The following XKR6 variants were observed in gnomAD, a reference collection of about 807,000 sequenced individuals.
XKR6 encodes XK related 6.
In XKR6, 22 loss-of-function variants were observed where a neutral mutation model predicts 56.7. The observed-to-expected ratio is 0.39, with a 90% CI of 0.28 to 0.55. The LOEUF (loss-of-function observed/expected upper bound fraction) is 0.55, where lower values mean the gene tolerates loss of function less well. XKR6 is among the 20% of genes least tolerant of loss of function. XKR6 has a pLI of 0.66. For missense variants in XKR6, 852 were observed against 889.0 expected (o/e 0.96, Z 0.53); for synonymous variants, 524 against 387.8 (o/e 1.35, Z -4.13).
In XKR6 at chr8:10,941,410, G is replaced by C. The variant is rs537551528; in HGVS notation, c.765-16580C>G. ...GGGCACCATGGGCCCTGTGGAGATG[G>C]AGAAACTGAGGCAAAGGAACTGGCT... On this transcript the variant is annotated intron_variant, in intron 1 of 2. Transcript: ENST00000416569. 1.5e-3 allele frequency among the ~76,000 whole-genome samples: 222 copies of C among 152,330 alleles called. 2 individuals carry two copies. Among genetic ancestry groups the C allele is most frequent in the Admixed American group, 2.7e-3 (41 of 15,308 alleles).
chr8:10,946,251 C>T (rs886184420), intron 1 of XKR6, among the ~76,000 whole-genome samples: 1 of 152,042 alleles, frequency 6.6e-6, no homozygotes, highest in Admixed American at 6.5e-5. Context: ...GAGGGAAACA[C>T]GAATAGCCGA....
chr8:10,905,617 G>A (rs1014569755), intron 2 of XKR6, among the ~76,000 whole-genome samples: 2 of 152,162 alleles, frequency 1.3e-5, no homozygotes, highest in African/African-American at 4.8e-5. Context: ...TTATCTGTCA[G>A]TCTGCATATC....
chr8:11,197,327 T>C (rs1437689214), intron 1 of XKR6, among the ~76,000 whole-genome samples: 1 of 152,290 alleles, frequency 6.6e-6, no homozygotes, highest in Non-Finnish European at 1.5e-5. Context: ...GAACTGACAA[T>C]GCACTAAGCA....
chr8:11,112,911 G>A (rs565021457), intron 1 of XKR6, among the ~76,000 whole-genome samples: 1 of 152,310 alleles, frequency 6.6e-6, no homozygotes, highest in Admixed American at 6.5e-5. Flanking sequence ...CAACATCTGA[G>A]ATTAAGCAGT....
chr8:10,987,101 G>A (rs1380768215), intron 1 of XKR6, among the ~76,000 whole-genome samples: 1 of 152,182 alleles, frequency 6.6e-6, no homozygotes. Flanking sequence ...TTAGCCAAGT[G>A]CATGATATGT....
At chr8:11,028,609 G>C (rs1798922595) in intron 1 of XKR6, among the ~76,000 whole-genome samples, 1 of 152,176 alleles carries the variant, frequency 6.6e-6, no homozygotes. Context: ...TTGTTTGTAG[G>C]AGCTCCACCT....
At chr8:11,151,438 C>A (rs1801263413) in intron 1 of XKR6, among the ~76,000 whole-genome samples, 2 of 152,158 alleles carry the variant, frequency 1.3e-5, no homozygotes, top group African/African-American at 4.8e-5. Context: ...ACATCATTTG[C>A]TGTAATTTTC....
intron 1 of XKR6, among the ~76,000 whole-genome samples, chr8:11,129,701 A>G (rs950780765): frequency 6.6e-6 from 1 of 152,240 alleles, no homozygotes; most frequent in Non-Finnish European, 1.5e-5. Flanking sequence ...TCATAAATCT[A>G]TAATTTAAGG....
intron 1 of XKR6, among the ~76,000 whole-genome samples, chr8:11,123,039 C>T (rs1799532631): frequency 6.6e-6 from 1 of 152,022 alleles, no homozygotes; most frequent in Non-Finnish European, 1.5e-5. Context: ...GAGTTCCAGA[C>T]CAGCCCGGCC....
intron 1 of XKR6, among the ~76,000 whole-genome samples, chr8:11,189,880 G>A (rs1803459374): frequency 6.6e-6 from 1 of 152,194 alleles, no homozygotes; most frequent in Admixed American, 6.5e-5. Context: ...GCTTTGGACG[G>A]GTGCAGTGGC....
chr8:11,162,247 T>G (rs1019920333), intron 1 of XKR6, among the ~76,000 whole-genome samples: 1 of 152,170 alleles, frequency 6.6e-6, no homozygotes, highest in Non-Finnish European at 1.5e-5. Flanking sequence ...TTGCTGCCCG[T>G]GGGCTGTTTA....
chr8:11,084,987 C>A (rs1031222583), intron 1 of XKR6, among the ~76,000 whole-genome samples: 2 of 152,162 alleles, frequency 1.3e-5, no homozygotes, highest in Non-Finnish European at 2.9e-5. Context: ...AAATGCCCCG[C>A]AACCACCTGC....
intron 1 of XKR6, chr8:11,106,106 T>C (rs955805174): frequency 6.6e-6 from 1 of 152,244 alleles, no homozygotes; most frequent in Non-Finnish European, 1.5e-5. Context: ...TATCCTACTT[T>C]CAGTGTGTCA....
chr8:11,136,240 C>T (rs187027830), intron 1 of XKR6, among the ~76,000 whole-genome samples: 8 of 152,318 alleles, frequency 5.3e-5, no homozygotes, highest in African/African-American at 1.7e-4. Flanking sequence ...CCTGGCCTGG[C>T]GCGGCGGCTC....
chr8:11,075,243 G>A (rs1268520930), intron 1 of XKR6, among the ~76,000 whole-genome samples: 16 of 152,316 alleles, frequency 1.1e-4, no homozygotes, highest in African/African-American at 3.6e-4. Flanking sequence ...TAGTCCCCTT[G>A]ATTGGTCTTA....
intron 1 of XKR6, among the ~76,000 whole-genome samples, chr8:11,116,382 T>G (rs1799174772): frequency 6.6e-6 from 1 of 152,200 alleles, no homozygotes; most frequent in Admixed American, 6.5e-5. Context: ...TTTTCTCTCT[T>G]TTTTTGAGAC....
At chr8:11,134,703 C>G (rs986596166) in intron 1 of XKR6, among the ~76,000 whole-genome samples, 1 of 152,062 alleles carries the variant, frequency 6.6e-6, no homozygotes, top group Non-Finnish European at 1.5e-5. Flanking sequence ...CACACGCACA[C>G]ACACACACAC....
At chr8:11,185,956 G>C (rs1274053172) in intron 1 of XKR6, among the ~76,000 whole-genome samples, 1 of 152,042 alleles carries the variant, frequency 6.6e-6, no homozygotes, top group Non-Finnish European at 1.5e-5. Flanking sequence ...ACAGGGCTTG[G>C]GCTATTTCTG....
intron 1 of XKR6, among the ~76,000 whole-genome samples, chr8:10,971,338 G>A (rs1005702878): frequency 1.3e-5 from 2 of 151,902 alleles, no homozygotes; most frequent in Non-Finnish European, 2.9e-5. Context: ...GGAGAATGGC[G>A]TGAACCCAGG....
Sources: gnomAD v4.1 joint callset for allele counts (sites outside exome capture counted in the v4.1 genomes callset) on GRCh38, gnomAD v4.1.1 for gene constraint, MANE v1.5 for transcripts, NCBI Gene and HGNC (gene_info 2026-07-23, HGNC 2026-07-21) for gene names.